The following ERCC6L2 variants were observed in gnomAD, a reference collection of about 807,000 sequenced individuals.
ERCC6L2 encodes DNA excision repair protein ERCC-6-like 2.
In ERCC6L2, 77 loss-of-function variants were observed where a neutral mutation model predicts 132.0. That is an observed-to-expected ratio of 0.58 (90% CI 0.49 to 0.71). The LOEUF (loss-of-function observed/expected upper bound fraction) is 0.71. ERCC6L2 is among the 30% of genes least tolerant of loss of function. The pLI is 0.00. For missense variants in ERCC6L2, 1,542 were observed against 1,837.6 expected (o/e 0.84, Z 2.94); for synonymous variants, 583 against 632.4 (o/e 0.92, Z 1.17).
chr9:96,022,038 A>C (rs1834300499), downstream of ERCC6L2, among the ~76,000 whole-genome samples: 1 of 149,444 alleles, frequency 6.7e-6, no homozygotes, highest in African/African-American at 2.5e-5. Flanking sequence ...CCCTTCCTCC[A>C]CCTCCCTCCC....
chr9:95,946,533 A>C (rs928465250), intron 12 of ERCC6L2, among the ~76,000 whole-genome samples: 1 of 152,198 alleles, frequency 6.6e-6, no homozygotes, highest in Admixed American at 6.5e-5. Flanking sequence ...ATCTCAAAAA[A>C]ATAAAATTAA....
intron 17 of ERCC6L2, among the ~76,000 whole-genome samples, chr9:96,001,215 A>G (rs1038031491): frequency 5.9e-5 from 9 of 152,184 alleles, no homozygotes; most frequent in African/African-American, 1.9e-4. Flanking sequence ...GATTTATTGC[A>G]AAGAGCGAAA....
intron 12 of ERCC6L2, among the ~76,000 whole-genome samples, chr9:95,944,273 G>C (rs529754939): frequency 6.6e-6 from 1 of 152,306 alleles, no homozygotes; most frequent in South Asian, 2.1e-4. Context: ...AGCCAGATAT[G>C]AAAGGACAAA....
At chr9:95,942,065 G>GT (rs898823968) in intron 12 of ERCC6L2, among the ~76,000 whole-genome samples, 1 of 152,106 alleles carries the variant, frequency 6.6e-6, no homozygotes, top group Non-Finnish European at 1.5e-5. Context: ...GAGATTGGCC[G>GT]TAACAGGTAC....
At chr9:95,888,320 T>C (rs764931160) in intron 2 of ERCC6L2, among the ~76,000 whole-genome samples, 10 of 152,184 alleles carry the variant, frequency 6.6e-5, no homozygotes, top group Non-Finnish European at 1.2e-4. Flanking sequence ...AGATGACTTA[T>C]AAAACTGTTG....
In ERCC6L2 at chr9:95,966,674, T is replaced by C; in HGVS notation, c.2060T>C (p.Phe687Ser). 6.6e-7 allele frequency: 1 copy of C among 1,516,112 alleles called. No individual in the cohort carries two copies. The highest frequency in any genetic ancestry group is 9.0e-7 in the Non-Finnish European group (1 of 1,113,268). The allele number at this position is 1,516,112 out of a possible 1,614,324, so 93.9% of individuals were successfully genotyped here. A position where few individuals can be genotyped will look rare whatever the true frequency, so the allele number is the denominator to read the frequency against. ...ELFGIHNLFK[F>S]RSQGSCLTKD... Reference sequence around the variant, plus strand: ...TTTGGGATCCATAACCTCTTCAAATTTAGGTCCCAAGGGTCTTGTCTTACG... The same window carrying C: ...TTTGGGATCCATAACCTCTTCAAATCTAGGTCCCAAGGGTCTTGTCTTACG... Residue 687 changes from phenylalanine to serine, a missense_variant, in exon 14 of 19, where the codon TTT (phenylalanine) becomes TCT (serine). Physicochemically the swap from Phe to Ser is radical, Grantham distance 155. Transcript: ENST00000653738.
At chr9:95,941,760 C>T (rs527602091) in intron 12 of ERCC6L2, among the ~76,000 whole-genome samples, 37 of 152,124 alleles carry the variant, frequency 2.4e-4, no homozygotes, top group African/African-American at 8.9e-4. Flanking sequence ...ATTAATATGA[C>T]AGAAATGACT....
At chr9:96,019,370 C>T (rs1407799753), downstream of ERCC6L2, among the ~76,000 whole-genome samples, 2 of 152,196 alleles carry the variant, frequency 1.3e-5, no homozygotes, top group Non-Finnish European at 2.9e-5. Flanking sequence ...CCAGCACCCG[C>T]ATTGTGCTCC....
chr9:95,978,264 A>G (rs1265919188), intron 17 of ERCC6L2, 49 bp downstream of exon 17: 2 of 1,232,438 alleles, frequency 1.6e-6, no homozygotes, highest in East Asian at 5.3e-5. Context: ...CATTTTTCAC[A>G]GAAGTTACTC....
chr9:95,904,337 T>A lies in ERCC6L2; in HGVS notation c.595-2741T>A, dbSNP rs150257612. 3.4e-3 allele frequency among the ~76,000 whole-genome samples: 522 copies of A among 152,248 alleles called. 15 individuals are homozygous for A. Among genetic ancestry groups the A allele is most frequent in the Admixed American group, 0.032 (491 of 15,280 alleles). On this transcript the variant is annotated intron_variant, in intron 3 of 18. Transcript: ENST00000653738. ...TATTATTCCGAACTTAGCATTGACA[T>A]GTATGGTTTCATGTATTCATTCATC...
chr9:96,020,499 A>T (rs1668064966), downstream of ERCC6L2: 1 of 326,882 alleles, frequency 3.1e-6, no homozygotes, highest in African/African-American at 2.2e-5. Context: ...GAGCCCAGGT[A>T]GGGGCGCCGC....
intron 6 of ERCC6L2, chr9:95,918,181 G>T: frequency 2.1e-6 from 1 of 474,918 alleles, no homozygotes; most frequent in South Asian, 1.6e-5. Flanking sequence ...AGGAGCAGAG[G>T]AAATGGAGGC....
intron 15 of ERCC6L2, 104 bp downstream of exon 15, chr9:95,970,760 A>AC: frequency 1.3e-6 from 1 of 751,038 alleles, no homozygotes; most frequent in Non-Finnish European, 1.8e-6. Context: ...GTAAAAAAAA[A>AC]AATTAAGAGT....
intron 11 of ERCC6L2, among the ~76,000 whole-genome samples, chr9:95,935,535 A>G (rs1438043849): frequency 2.0e-5 from 3 of 152,184 alleles, no homozygotes; most frequent in Non-Finnish European, 2.9e-5. Flanking sequence ...ATGTAAAAGG[A>G]TAGTTCAATA....
At chr9:95,956,415 A>G (rs976240144) in intron 13 of ERCC6L2, among the ~76,000 whole-genome samples, 4 of 152,172 alleles carry the variant, frequency 2.6e-5, no homozygotes, top group Admixed American at 2.6e-4. Flanking sequence ...GTAATGGTTT[A>G]CCACAAATGG....
downstream of ERCC6L2, chr9:96,019,899 A>T (rs1369505848): frequency 6.6e-6 from 1 of 152,258 alleles, no homozygotes; most frequent in East Asian, 1.9e-4. Context: ...TAAAAGCATC[A>T]GATCGGCTGG....
chr9:95,890,152 A>G (rs1172688840), intron 2 of ERCC6L2, among the ~76,000 whole-genome samples: 1 of 152,198 alleles, frequency 6.6e-6, no homozygotes, highest in Non-Finnish European at 1.5e-5. Context: ...CATCTAGACT[A>G]TTCCAGCATC....
chr9:95,886,859 C>T (rs190757624), intron 2 of ERCC6L2, among the ~76,000 whole-genome samples: 2 of 152,130 alleles, frequency 1.3e-5, no homozygotes, highest in African/African-American at 2.4e-5. Context: ...CAGCTGCCAG[C>T]GTGGCTAGAA....
chr9:95,891,752 A>C (rs1300931994), intron 2 of ERCC6L2, among the ~76,000 whole-genome samples: 2 of 152,312 alleles, frequency 1.3e-5, no homozygotes, highest in South Asian at 4.1e-4. Flanking sequence ...CTATGTGTTA[A>C]GTGGTATTTC....
Sources: allele counts gnomAD v4.1 joint callset (sites outside exome capture counted in the v4.1 genomes callset), GRCh38; gene constraint gnomAD v4.1.1; transcripts MANE v1.5; gene names NCBI Gene and HGNC (gene_info 2026-07-23, HGNC 2026-07-21).